The following COL4A1 variants were observed in gnomAD, a reference collection of about 807,000 sequenced individuals.
COL4A1 encodes the protein collagen alpha-1(IV) chain.
A neutral mutation model predicts 216.6 loss-of-function variants in COL4A1; 40 were observed. The observed-to-expected ratio is 0.18, with a 90% CI of 0.14 to 0.24. COL4A1 has a LOEUF of 0.24. Among genes scored for constraint, COL4A1 ranks in the 10% least tolerant of loss-of-function variants. The pLI is 1.00. For synonymous variants in COL4A1, 839 were observed against 810.7 expected (o/e 1.03, Z -0.59); for missense variants, 1,628 against 2,196.8 (o/e 0.74, Z 5.18).
intron 20 of COL4A1, 28 bp downstream of exon 20, chr13:110,200,826 C>T (rs1400765499): frequency 1.2e-6 from 2 of 1,610,818 alleles, no homozygotes; most frequent in Non-Finnish European, 1.7e-6. Flanking sequence ...TGCAAGTATG[C>T]TATAACAAAT....
At chr13:110,222,412 G>A (rs764557066) in intron 2 of COL4A1, among the ~76,000 whole-genome samples, 2 of 152,186 alleles carry the variant, frequency 1.3e-5, no homozygotes, top group Non-Finnish European at 2.9e-5. Context: ...CTCGCCACTA[G>A]AGGGAGCTCT....
intron 1 of COL4A1, among the ~76,000 whole-genome samples, chr13:110,252,576 TTA>T (rs369802711): frequency 0.12 from 5,246 of 42,006 alleles, 1,029 homozygotes; most frequent in East Asian, 0.3. Context: ...TATATATGTA[TTA>T]TATACGTATA....
intron 12 of COL4A1, 73 bp downstream of exon 12, chr13:110,208,776 T>A: frequency 7.2e-7 from 1 of 1,390,124 alleles, no homozygotes. Flanking sequence ...CAGACATTGA[T>A]CCAAAGGTGG....
chr13:110,288,490 G>C (rs946245196), intron 1 of COL4A1, among the ~76,000 whole-genome samples: 1 of 151,882 alleles, frequency 6.6e-6, no homozygotes, highest in African/African-American at 2.4e-5. Flanking sequence ...CTAACCACAG[G>C]GTAGAGCAAC....
intron 5 of COL4A1, 33 bp downstream of exon 5, chr13:110,212,541 A>G (rs1056167092): frequency 6.2e-7 from 1 of 1,614,252 alleles, no homozygotes; most frequent in Non-Finnish European, 8.5e-7. Context: ...AGAATATTTC[A>G]TAAAAGAAGT....
chr13:110,282,488 C>G (rs948427290), intron 1 of COL4A1, among the ~76,000 whole-genome samples: 1 of 152,214 alleles, frequency 6.6e-6, no homozygotes, highest in Non-Finnish European at 1.5e-5. Context: ...TCACCCTGTC[C>G]TCACTTCCAA....
At chr13:110,239,382 A>G (rs1566403923) in intron 2 of COL4A1, among the ~76,000 whole-genome samples, 1 of 152,194 alleles carries the variant, frequency 6.6e-6, no homozygotes, top group Non-Finnish European at 1.5e-5. Flanking sequence ...GTGCTCCTCA[A>G]AGAGACGTGG....
At chr13:110,167,053 A>G (rs1215054763) in intron 44 of COL4A1, 105 bp downstream of exon 44, 6 of 898,478 alleles carry the variant, frequency 6.7e-6, no homozygotes, top group African/African-American at 6.5e-5. Flanking sequence ...ATCTCGTGCT[A>G]TAATGGCAGC....
chr13:110,251,077 T>C (rs1165109687), intron 1 of COL4A1, among the ~76,000 whole-genome samples: 5 of 152,248 alleles, frequency 3.3e-5, no homozygotes, highest in Admixed American at 1.3e-4. Context: ...ACAGGCACCC[T>C]TTGAAGAACA....
intron 41 of COL4A1, among the ~76,000 whole-genome samples, chr13:110,171,841 G>A (rs1877656774): frequency 6.6e-6 from 1 of 152,232 alleles, no homozygotes; most frequent in Non-Finnish European, 1.5e-5. Context: ...ATTTGCAAGG[G>A]GCTCTGTGTT....
intron 2 of COL4A1, among the ~76,000 whole-genome samples, chr13:110,216,244 G>A (rs932407081): frequency 6.6e-6 from 1 of 152,170 alleles, no homozygotes; most frequent in Non-Finnish European, 1.5e-5. Context: ...ACCAGGACTT[G>A]TTCAAATGAA....
At chr13:110,279,211 A>G (rs533272670) in intron 1 of COL4A1, among the ~76,000 whole-genome samples, 1 of 152,166 alleles carries the variant, frequency 6.6e-6, no homozygotes, top group Non-Finnish European at 1.5e-5. Flanking sequence ...TTTTCCAGCT[A>G]TGTCTCCCTG....
chr13:110,247,950 C>A (rs920862079), intron 1 of COL4A1, among the ~76,000 whole-genome samples: 7 of 148,418 alleles, frequency 4.7e-5, no homozygotes, highest in Admixed American at 2.0e-4. Flanking sequence ...GGATGAGGTC[C>A]TCAATTTTCT....
chr13:110,305,701 C>A (rs1042319629), intron 1 of COL4A1: 2 of 152,220 alleles, frequency 1.3e-5, no homozygotes, highest in African/African-American at 4.8e-5. Flanking sequence ...AAGTTAATTG[C>A]TGATGTAATC....
rs186754565 is a variant in COL4A1, at chr13:110,225,959, T to C, written c.145-11944A>G. Among the ~76,000 whole-genome samples, 42 of 152,384 alleles carry C rather than the reference T, an allele frequency of 2.8e-4. No homozygotes were observed. The East Asian group carries it at 7.7e-3, about 28-fold the overall frequency. On this transcript the variant is annotated intron_variant, in intron 2 of 51. Coordinates refer to ENST00000375820, the MANE Select transcript of COL4A1 (RefSeq NM_001845.6). ...AAACGTGCTCAAGTATTCAGTTAAA[T>C]GCTGTACAAATGGTTCTGAAAGAAA...
At chr13:110,264,764 C>T (rs7987099) in intron 1 of COL4A1, among the ~76,000 whole-genome samples, 4,726 of 152,118 alleles carry the variant, frequency 0.031, 211 homozygotes, top group East Asian at 0.23. Flanking sequence ...TCTTTTTCTC[C>T]TCTTTCCTTC....
intron 1 of COL4A1, among the ~76,000 whole-genome samples, chr13:110,279,671 G>A (rs1195391786): frequency 6.6e-6 from 1 of 152,194 alleles, no homozygotes; most frequent in African/African-American, 2.4e-5. Flanking sequence ...CCACACAGAA[G>A]TGTTTAACAG....
At chr13:110,195,958 A>T (rs544754395) in intron 21 of COL4A1, among the ~76,000 whole-genome samples, 1 of 152,256 alleles carries the variant, frequency 6.6e-6, no homozygotes, top group East Asian at 1.9e-4. Context: ...TGAGTCCCAG[A>T]CTATAGAAGG....
chr13:110,250,203 C>CA (rs796114385), intron 1 of COL4A1, among the ~76,000 whole-genome samples: 2,064 of 71,612 alleles, frequency 0.029, 32 homozygotes, highest in African/African-American at 0.076. Flanking sequence ...ACATTCTTGG[C>CA]AAAAAAAAAA....
Sources: gnomAD v4.1 joint callset for allele counts (sites outside exome capture counted in the v4.1 genomes callset) on GRCh38, gnomAD v4.1.1 for gene constraint, MANE v1.5 for transcripts, NCBI Gene and HGNC (gene_info 2026-07-23, HGNC 2026-07-21) for gene names.